ANK2: variants seen among roughly 807,000 people sequenced by gnomAD.
ANK2 encodes the protein ankyrin-2.
In ANK2, 83 loss-of-function variants were observed where a neutral mutation model predicts 360.5. The observed-to-expected ratio is 0.23, with a 90% confidence interval of 0.19 to 0.28. The LOEUF is 0.28. ANK2 is among the 10% of genes least tolerant of loss of function. ANK2 has a pLI of 1.00. For missense variants in ANK2, 4,201 were observed against 4,795.7 expected, an observed-to-expected ratio of 0.88 and a Z score of 3.66; for synonymous variants, 1,740 against 1,759.5, an observed-to-expected ratio of 0.99 and a Z score of 0.28.
intron 2 of ANK2, among the ~76,000 whole-genome samples, chr4:113,038,095 T>A (rs2061998614): frequency 6.6e-6 from 1 of 151,988 alleles, no homozygotes; most frequent in African/African-American, 2.4e-5. Flanking sequence ...TTTTTAATTA[T>A]CTTTTTTTTG....
At chr4:113,261,631 T>C (rs1586483951) in intron 13 of ANK2, among the ~76,000 whole-genome samples, 1 of 152,222 alleles carries the variant, frequency 6.6e-6, no homozygotes, top group African/African-American at 2.4e-5. Flanking sequence ...ACAGTAGAAG[T>C]CCATTATGCC....
intron 1 of ANK2, among the ~76,000 whole-genome samples, chr4:112,832,619 G>C (rs2060056617): frequency 6.6e-6 from 1 of 152,138 alleles, no homozygotes; most frequent in African/African-American, 2.4e-5. Context: ...GATATTGTAT[G>C]ATATTCAATT....
chr4:113,220,832 A>C (rs887729328), intron 4 of ANK2, among the ~76,000 whole-genome samples: 3 of 152,254 alleles, frequency 2.0e-5, no homozygotes, highest in African/African-American at 7.2e-5. Context: ...ACTAAGGAAA[A>C]TAAGGCTAAA....
chr4:113,086,803 A>G (rs947621182), intron 1 of ANK2, among the ~76,000 whole-genome samples: 1 of 152,208 alleles, frequency 6.6e-6, no homozygotes, highest in Non-Finnish European at 1.5e-5. Flanking sequence ...GGGTAAGTCC[A>G]TTCCTGACAG....
chr4:112,710,581 C>T, the ANK2 span, among the ~76,000 whole-genome samples: 4 of 151,822 alleles, frequency 2.6e-5, no homozygotes, highest in Admixed American at 2.6e-4. Context: ...GCCTGCAATC[C>T]CAGCTACCCG....
At chr4:112,778,451 C>T in the ANK2 span, among the ~76,000 whole-genome samples, 1 of 152,182 alleles carries the variant, frequency 6.6e-6, no homozygotes. Context: ...GGATTACAGG[C>T]ATGAACCACC....
intron 1 of ANK2, among the ~76,000 whole-genome samples, chr4:113,090,596 G>T (rs2087431602): frequency 6.6e-6 from 1 of 152,138 alleles, no homozygotes; most frequent in African/African-American, 2.4e-5. Context: ...TCTCTACCAT[G>T]AAATCTGGGG....
chr4:113,286,647 G>T (rs1342290580), intron 18 of ANK2, among the ~76,000 whole-genome samples: 2 of 152,194 alleles, frequency 1.3e-5, no homozygotes, highest in Non-Finnish European at 1.5e-5. Context: ...AAGAGGTGCT[G>T]ACTCAGAGCC....
At chr4:113,050,310 A>G (rs2066367016) in intron 1 of ANK2, among the ~76,000 whole-genome samples, 1 of 152,150 alleles carries the variant, frequency 6.6e-6, no homozygotes, top group African/African-American at 2.4e-5. Context: ...GACAGGAGAA[A>G]TATCATCCCC....
chr4:113,263,651 C>A (rs1244940166), intron 13 of ANK2, among the ~76,000 whole-genome samples: 1 of 152,184 alleles, frequency 6.6e-6, no homozygotes, highest in Non-Finnish European at 1.5e-5. Context: ...AGAAATTATT[C>A]TCTGCAGTTT....
At chr4:113,317,180 C>A (rs926889112) in intron 24 of ANK2, among the ~76,000 whole-genome samples, 3 of 152,148 alleles carry the variant, frequency 2.0e-5, no homozygotes, top group African/African-American at 7.2e-5. Context: ...GGGGAATGCA[C>A]CAACATTCAG....
intron 14 of ANK2, among the ~76,000 whole-genome samples, chr4:113,272,986 AAT>A (rs898584907): frequency 6.6e-6 from 1 of 152,162 alleles, no homozygotes; most frequent in Non-Finnish European, 1.5e-5. Context: ...ATAAATAAAA[AAT>A]GTTTATTCTC....
At chr4:113,264,093 C>T (rs2054559620) in intron 13 of ANK2, among the ~76,000 whole-genome samples, 1 of 152,172 alleles carries the variant, frequency 6.6e-6, no homozygotes, top group South Asian at 2.1e-4. Flanking sequence ...TTCAGTGGCT[C>T]TCTCAAATAA....
chr4:112,925,352 G>A (rs1259337610), intron 2 of ANK2, among the ~76,000 whole-genome samples: 1 of 152,154 alleles, frequency 6.6e-6, no homozygotes, highest in African/African-American at 2.4e-5. Flanking sequence ...AAGTACAGCA[G>A]CCACTGTCTT....
chr4:113,311,761 A>G (rs1020773678), intron 24 of ANK2, among the ~76,000 whole-genome samples: 2 of 152,220 alleles, frequency 1.3e-5, no homozygotes, highest in Non-Finnish European at 2.9e-5. Flanking sequence ...GCGGCATCAC[A>G]GACACTTTGG....
At chr4:113,094,108 G>A (rs565543791) in intron 1 of ANK2, among the ~76,000 whole-genome samples, 5 of 152,154 alleles carry the variant, frequency 3.3e-5, no homozygotes, top group Admixed American at 6.5e-5. Flanking sequence ...TCTTCCCAGT[G>A]AACATGCAGC....
chr4:113,356,179 A>G lies in ANK2; in HGVS notation c.7561A>G (p.Ser2521Gly), dbSNP rs776531245. The G allele has an allele frequency of 7.4e-6, 12 of 1,613,902 alleles. No individual in the cohort carries two copies. In the South Asian group the frequency reaches 1.2e-4, roughly 16 times the overall value. The change falls in exon 38 of 46, where the codon AGT becomes GGT. Residue 2521 changes from serine to glycine, a missense_variant. Around this residue, in one of 4 missense-constraint regions of ANK2, gnomAD observed 2,642 missense variants for 2,714.5 expected, o/e 0.97. Transcript: ENST00000357077. Reference protein sequence around the residue: ...RDPDGSAEDDSLEQTSLMESS... With the variant: ...RDPDGSAEDDGLEQTSLMESS... ...CCCTGATGGCAGTGCTGAGGATGAC[A>G]GTCTTGAGCAGACATCGCTCATGGA...
intron 22 of ANK2, among the ~76,000 whole-genome samples, chr4:113,299,561 C>T (rs1170876597): frequency 6.6e-6 from 1 of 151,954 alleles, no homozygotes; most frequent in African/African-American, 2.4e-5. Flanking sequence ...ACAAATGAGC[C>T]AGGCGTGCTG....
the ANK2 span, among the ~76,000 whole-genome samples, chr4:112,802,278 C>T: frequency 6.6e-6 from 1 of 152,236 alleles, no homozygotes; most frequent in East Asian, 1.9e-4. Flanking sequence ...TGCCAATCCT[C>T]CTTTAGGATG....
Sources: allele counts gnomAD v4.1 joint callset (sites outside exome capture counted in the v4.1 genomes callset), GRCh38; gene constraint gnomAD v4.1.1; regional missense constraint gnomAD v4.1.1; transcripts MANE v1.5; gene names NCBI Gene and HGNC (gene_info 2026-07-23, HGNC 2026-07-21).